The following PPP6R3 variants were observed in gnomAD, a reference collection of about 807,000 sequenced individuals.
PPP6R3 encodes serine/threonine-protein phosphatase 6 regulatory subunit 3.
In PPP6R3, 38 loss-of-function variants were observed where a neutral mutation model predicts 110.7. The observed-to-expected ratio is 0.34, with a 90% CI of 0.26 to 0.45. PPP6R3 has a LOEUF of 0.45. Ranked by LOEUF, PPP6R3 falls within the 20% of genes least tolerant of loss-of-function variation. PPP6R3 has a pLI of 1.00. For missense variants in PPP6R3, 870 were observed against 1,062.4 expected, an observed-to-expected ratio of 0.82 and a Z score of 2.52; for synonymous variants, 369 against 373.5, an observed-to-expected ratio of 0.99 and a Z score of 0.14.
At chr11:68,524,019 T>C (rs2099181631) in intron 2 of PPP6R3, among the ~76,000 whole-genome samples, 1 of 152,182 alleles carries the variant, frequency 6.6e-6, no homozygotes, top group Non-Finnish European at 1.5e-5. Flanking sequence ...AGCCATGTAT[T>C]GTACCTTTTA....
intron 21 of PPP6R3, 89 bp from the exon 22 acceptor site, chr11:68,603,253 T>G: frequency 6.7e-7 from 1 of 1,503,142 alleles, no homozygotes; most frequent in South Asian, 1.3e-5. Context: ...GCAGTAGATG[T>G]CACGTTGGGT....
chr11:68,597,982 A>G (rs2510410), intron 19 of PPP6R3, among the ~76,000 whole-genome samples: 45 of 141,626 alleles, frequency 3.2e-4, no homozygotes, highest in South Asian at 6.6e-4. Context: ...CCATCTGGGG[A>G]AAAAAAAAAA....
At chr11:68,579,985 G>T (rs1001906238) in intron 14 of PPP6R3, among the ~76,000 whole-genome samples, 1 of 152,192 alleles carries the variant, frequency 6.6e-6, no homozygotes, top group Non-Finnish European at 1.5e-5. Flanking sequence ...GCATGACTGC[G>T]CGTGTTTCAG....
intron 20 of PPP6R3, 26 bp downstream of exon 20, chr11:68,600,520 A>C (rs749764012): frequency 4.2e-5 from 67 of 1,592,618 alleles, no homozygotes; most frequent in South Asian, 2.3e-5. Context: ...CTGTCTCTAC[A>C]CCCTTCCACG....
intron 21 of PPP6R3, 67 bp downstream of exon 21, chr11:68,602,036 C>T (rs1594009091): frequency 1.6e-6 from 2 of 1,274,976 alleles, no homozygotes; most frequent in East Asian, 2.4e-5. Flanking sequence ...AGACCTGATT[C>T]TCAGGCTCAG....
intron 1 of PPP6R3, among the ~76,000 whole-genome samples, chr11:68,494,354 T>G (rs907680920): frequency 3.0e-5 from 4 of 135,198 alleles, no homozygotes; most frequent in Non-Finnish European, 6.1e-5. Flanking sequence ...TGAAAGCCCA[T>G]CTCTACTAAA....
chr11:68,593,670 T>C (rs2099602520), intron 18 of PPP6R3, among the ~76,000 whole-genome samples: 1 of 152,190 alleles, frequency 6.6e-6, no homozygotes, highest in South Asian at 2.1e-4. Flanking sequence ...AGCAGAATGA[T>C]AGAGTTAGTC....
At chr11:68,493,020 T>A (rs1436629713) in intron 1 of PPP6R3, among the ~76,000 whole-genome samples, 4 of 152,198 alleles carry the variant, frequency 2.6e-5, no homozygotes, top group Admixed American at 2.6e-4. Flanking sequence ...TCCACTTTCA[T>A]GGCTGAACTT....
At chr11:68,508,121 C>CTTTTTTTTTTTTTTTTTT (rs748376581) in intron 1 of PPP6R3, among the ~76,000 whole-genome samples, 17 of 77,620 alleles carry the variant, frequency 2.2e-4, no homozygotes, top group African/African-American at 9.7e-4. Context: ...GTTTTTTGGC[C>CTTTTTTTTTTTTTTTTTT]TTTTTTTTTT....
intron 1 of PPP6R3, among the ~76,000 whole-genome samples, chr11:68,468,809 A>T (rs181341069): frequency 2.0e-4 from 30 of 152,356 alleles, no homozygotes; most frequent in Non-Finnish European, 3.8e-4. Context: ...CTGCTGGTGG[A>T]GTAGAGATCA....
In PPP6R3 at chr11:68,567,067, C is replaced by T. The variant is rs1040041676; in HGVS notation, c.1029C>T (p.Thr343=). The change falls in exon 10 of 24, where the codon ACC becomes ACT. Residue 343 remains threonine (T), a synonymous_variant. Coordinates refer to ENST00000393800, the MANE Select transcript of PPP6R3 (RefSeq NM_001164161.2). ...WGVLDPPVGN[T]RLNVIRLISS... Reference sequence around the variant, plus strand: ...TGCTGGATCCTCCTGTGGGGAATACCCGGTTGAATGTCATTAGGTTGATAT... The same window carrying T: ...TGCTGGATCCTCCTGTGGGGAATACTCGGTTGAATGTCATTAGGTTGATAT... The T allele has an allele frequency of 6.4e-7, 1 of 1,551,584 alleles. No individual in the cohort carries two copies. The highest frequency in any genetic ancestry group is 8.7e-7 in the Non-Finnish European group (1 of 1,146,890).
intron 22 of PPP6R3, among the ~76,000 whole-genome samples, chr11:68,608,034 TAAAA>T (rs55705439): frequency 1.5e-5 from 2 of 134,924 alleles, no homozygotes; most frequent in African/African-American, 2.7e-5. Context: ...AGGACTTCTT[TAAAA>T]AAAAAAAAAA....
chr11:68,612,931 AT>A, intron 23 of PPP6R3, 134 bp from the exon 24 acceptor site: 1 of 1,472,086 alleles, frequency 6.8e-7, no homozygotes, highest in East Asian at 2.5e-5. Context: ...TTTACATATC[AT>A]TTTATTAAAA....
At chr11:68,468,726 A>T (rs186992598) in intron 1 of PPP6R3, among the ~76,000 whole-genome samples, 58 of 152,356 alleles carry the variant, frequency 3.8e-4, no homozygotes, top group African/African-American at 1.4e-3. Flanking sequence ...CCAAATTTGG[A>T]GTATGTTATA....
intron 17 of PPP6R3, 91 bp downstream of exon 17, chr11:68,590,805 G>A (rs1244671322): frequency 1.1e-5 from 15 of 1,365,082 alleles, no homozygotes; most frequent in Non-Finnish European, 1.5e-5. Flanking sequence ...TGGGACCCCT[G>A]TGCTCTAGAG....
intron 1 of PPP6R3, among the ~76,000 whole-genome samples, chr11:68,490,641 T>C (rs529155949): frequency 1.7e-4 from 26 of 152,120 alleles, no homozygotes; most frequent in Admixed American, 7.2e-4. Flanking sequence ...TTTTTTTCTT[T>C]TGTATTTTTT....
At chr11:68,491,376 G>C (rs1235146022) in intron 1 of PPP6R3, among the ~76,000 whole-genome samples, 3 of 140,470 alleles carry the variant, frequency 2.1e-5, no homozygotes, top group Non-Finnish European at 4.7e-5. Flanking sequence ...GTGTGTGTGT[G>C]TGTTTGAGAC....
At chr11:68,503,427 G>A (rs2099058752) in intron 1 of PPP6R3, among the ~76,000 whole-genome samples, 1 of 152,162 alleles carries the variant, frequency 6.6e-6, no homozygotes, top group Admixed American at 6.5e-5. Flanking sequence ...ACCTCTGTGG[G>A]AGCCTCTGTG....
At position 68,567,057 on chromosome 11, in the gene PPP6R3, T is replaced by C; in HGVS notation, c.1019T>C (p.Val340Ala). 6.4e-7 allele frequency: 1 copy of C among 1,551,754 alleles called. No homozygotes were observed. Among genetic ancestry groups the C allele is most frequent in the South Asian group, 1.2e-5 (1 of 84,032 alleles). ...KTTWGVLDPP[V>A]GNTRLNVIRL... ...ACATGGGGTGTGCTGGATCCTCCTGTGGGGAATACCCGGTTGAATGTCATT... is the reference window on the plus strand; with the variant it reads ...ACATGGGGTGTGCTGGATCCTCCTGCGGGGAATACCCGGTTGAATGTCATT... The change falls in exon 10 of 24, where the codon GTG (valine) becomes GCG (alanine). Residue 340 changes from valine to alanine, a missense_variant. Val to Ala is a moderately conservative substitution (Grantham distance 64, BLOSUM62 0). Transcript: ENST00000393800.
Sources: allele counts gnomAD v4.1 joint callset (sites outside exome capture counted in the v4.1 genomes callset), GRCh38; gene constraint gnomAD v4.1.1; transcripts MANE v1.5; gene names NCBI Gene and HGNC (gene_info 2026-07-23, HGNC 2026-07-21).